PPP1R42: variants seen among roughly 807,000 people sequenced by gnomAD.
PPP1R42 encodes protein phosphatase 1 regulatory subunit 42.
Under a neutral mutation model 31.0 loss-of-function variants are expected in PPP1R42, and 34 were observed. That is an observed-to-expected ratio of 1.10 (90% confidence interval 0.83 to 1.46). The LOEUF (loss-of-function observed/expected upper bound fraction) is 1.46. PPP1R42 is among the 40% of genes most tolerant of loss of function. The pLI, the probability that PPP1R42 is intolerant of heterozygous loss-of-function variation, is 0.00. For synonymous variants in PPP1R42, 103 were observed against 109.8 expected, an observed-to-expected ratio of 0.94 and a Z score of 0.39; for missense variants, 268 against 303.0, an observed-to-expected ratio of 0.88 and a Z score of 0.86.
At chr8:67,027,826 G>A (rs914554225) in intron 1 of PPP1R42, among the ~76,000 whole-genome samples, 4 of 152,124 alleles carry the variant, frequency 2.6e-5, no homozygotes, top group African/African-American at 7.2e-5. Flanking sequence ...GATATCTCGT[G>A]TTACTTTGGG....
chr8:66,984,516 C>T, intron 6 of PPP1R42: 1 of 1,263,306 alleles, frequency 7.9e-7, no homozygotes, highest in South Asian at 1.2e-5. Flanking sequence ...TCTTGAACTT[C>T]TTGGCTGGGG....
intron 7 of PPP1R42, among the ~76,000 whole-genome samples, chr8:66,967,346 G>A (rs917161433): frequency 1.3e-5 from 2 of 152,084 alleles, no homozygotes; most frequent in African/African-American, 4.8e-5. Context: ...ATTTCAAAAT[G>A]GTTCTTTGAG....
intron 7 of PPP1R42, among the ~76,000 whole-genome samples, chr8:66,980,847 T>TC (rs1814808569): frequency 6.6e-6 from 1 of 152,050 alleles, no homozygotes; most frequent in African/African-American, 2.4e-5. Flanking sequence ...GTCAGTTCTT[T>TC]TTTTTTTTTC....
At chr8:66,984,367 T>G in intron 6 of PPP1R42, 2 of 1,309,366 alleles carry the variant, frequency 1.5e-6, no homozygotes, top group East Asian at 2.3e-5. Context: ...AGATGTCTGT[T>G]CATCCCACTT....
At position 67,014,562 on chromosome 8, in the gene PPP1R42, C is replaced by T; in HGVS notation, c.160G>A (p.Val54Ile). Residue 54 changes from valine (V) to isoleucine (I), a missense_variant, in exon 3 of 8, where the codon GTT becomes ATT. Transcript: ENST00000685739. Reference protein sequence around the residue: ...EDLSLCKNLSVLYLYDNCISQ... With the variant: ...EDLSLCKNLSILYLYDNCISQ... ...ATACAATTATCATATAAATATAAAA[C>T]ACTAAGATTTTTGCAAAGAGAGAGG... is the stretch of plus-strand genomic sequence containing the variant. 1 of 1,536,714 alleles carries T rather than the reference C, an allele frequency of 6.5e-7. No homozygotes were observed. The highest frequency in any genetic ancestry group is 8.8e-7 in the Non-Finnish European group (1 of 1,132,808).
chr8:66,969,081 G>A (rs928806318), intron 7 of PPP1R42, among the ~76,000 whole-genome samples: 11 of 152,154 alleles, frequency 7.2e-5, no homozygotes, highest in African/African-American at 2.7e-4. Flanking sequence ...TCGTAGTTAG[G>A]AAAATGAGGG....
intron 1 of PPP1R42, among the ~76,000 whole-genome samples, chr8:67,020,804 G>C (rs1816190639): frequency 6.6e-6 from 1 of 152,198 alleles, no homozygotes; most frequent in South Asian, 2.1e-4. Flanking sequence ...TGGGAAACAT[G>C]CCGGGGGGCG....
chr8:66,991,363 T>C (rs1393970157), intron 5 of PPP1R42, among the ~76,000 whole-genome samples: 1 of 152,214 alleles, frequency 6.6e-6, no homozygotes, highest in Non-Finnish European at 1.5e-5. Flanking sequence ...CTAATAATTT[T>C]TATACATTGA....
intron 5 of PPP1R42, among the ~76,000 whole-genome samples, chr8:66,998,745 A>C (rs957158823): frequency 6.6e-6 from 1 of 152,220 alleles, no homozygotes; most frequent in African/African-American, 2.4e-5. Context: ...GATAATTTTT[A>C]AAAATCATAC....
At chr8:67,013,567 C>T (rs1815909414) in intron 3 of PPP1R42, among the ~76,000 whole-genome samples, 2 of 141,224 alleles carry the variant, frequency 1.4e-5, no homozygotes, top group African/African-American at 3.0e-5. Flanking sequence ...AATAAATAAG[C>T]AAGCCAGTCA....
At chr8:67,026,467 T>A (rs1272836676) in intron 1 of PPP1R42, among the ~76,000 whole-genome samples, 1 of 152,212 alleles carries the variant, frequency 6.6e-6, no homozygotes, top group Non-Finnish European at 1.5e-5. Flanking sequence ...CAGCTTCTAG[T>A]CCTTGATGGT....
At chr8:67,023,940 C>T (rs920847707) in intron 1 of PPP1R42, among the ~76,000 whole-genome samples, 3 of 151,544 alleles carry the variant, frequency 2.0e-5, no homozygotes, top group African/African-American at 4.9e-5. Flanking sequence ...GCCAAGAGAT[C>T]GAGACCATCC....
chr8:66,971,789 A>G (rs1355986380), intron 7 of PPP1R42, among the ~76,000 whole-genome samples: 2 of 152,208 alleles, frequency 1.3e-5, no homozygotes, highest in Non-Finnish European at 2.9e-5. Context: ...TATACTTAGG[A>G]TAAGATTTTT....
intron 1 of PPP1R42, among the ~76,000 whole-genome samples, chr8:67,024,849 T>A (rs1323524088): frequency 6.6e-6 from 1 of 152,084 alleles, no homozygotes; most frequent in Non-Finnish European, 1.5e-5. Context: ...ATGTTAAATT[T>A]TTTTGCATTC....
chr8:66,993,022 G>A (rs564910410), intron 5 of PPP1R42, among the ~76,000 whole-genome samples: 25 of 152,224 alleles, frequency 1.6e-4, no homozygotes, highest in Non-Finnish European at 3.5e-4. Flanking sequence ...TTTCAAAGGC[G>A]CTTCAAACCC....
chr8:66,969,472 G>A (rs542020497), intron 7 of PPP1R42, among the ~76,000 whole-genome samples: 220 of 152,286 alleles, frequency 1.4e-3, no homozygotes, highest in African/African-American at 5.0e-3. Context: ...TATTGTGAAT[G>A]GAGAGGAGGC....
chr8:66,979,750 A>T (rs1034665440), intron 7 of PPP1R42, among the ~76,000 whole-genome samples: 4 of 152,050 alleles, frequency 2.6e-5, no homozygotes, highest in Non-Finnish European at 5.9e-5. Context: ...TCTGTGAAAA[A>T]TGTCATTGGT....
chr8:66,971,242 C>G lies in PPP1R42; in HGVS notation c.803-6908G>C, dbSNP rs899242831. 1.3e-5 allele frequency: 10 copies of G among 751,018 alleles called. No individual in the cohort carries two copies. The Admixed American group carries it at 3.0e-4, about 23-fold the overall frequency. 46.5% of individuals were successfully genotyped at this position (751,018 alleles called of 1,614,324 possible). A position where few individuals can be genotyped will look rare whatever the true frequency, so the allele number is the denominator to read the frequency against. On this transcript the variant is annotated intron_variant, in intron 7 of 7. Coordinates refer to ENST00000685739, the MANE Select transcript of PPP1R42 (RefSeq NM_001364910.1). The stretch of plus-strand genomic sequence containing the variant: ...AGATTATCTAAAAATTAAATAAAGC[C>G]AAATGAATACACAGTAAAACTAGTA...
chr8:66,986,286 A>G (rs1487986966), intron 6 of PPP1R42: 2 of 510,130 alleles, frequency 3.9e-6, no homozygotes, highest in Non-Finnish European at 7.6e-6. Context: ...AAGAGTGGCT[A>G]ATTGTAGTTA....
Sources: allele counts gnomAD v4.1 joint callset (sites outside exome capture counted in the v4.1 genomes callset), GRCh38; gene constraint gnomAD v4.1.1; transcripts MANE v1.5; gene names NCBI Gene and HGNC (gene_info 2026-07-23, HGNC 2026-07-21).